The following ADGRD1 variants were observed in gnomAD, a reference collection of about 807,000 sequenced individuals.
ADGRD1 encodes the protein adhesion G protein-coupled receptor D1.
In ADGRD1, 77 loss-of-function variants were observed where a neutral mutation model predicts 113.4. The observed-to-expected ratio is 0.68, with a 90% CI of 0.57 to 0.82. The LOEUF (loss-of-function observed/expected upper bound fraction) is 0.82, where lower values mean the gene tolerates loss of function less well. Among genes scored for constraint, ADGRD1 ranks in the 40% least tolerant of loss-of-function variants. The probability of loss-of-function intolerance (pLI) is 0.00; values close to 1 mark genes in which losing one functional copy is unlikely to be tolerated. For synonymous variants in ADGRD1, 474 were observed against 475.0 expected, an observed-to-expected ratio of 1.00 and a Z score of 0.03; for missense variants, 1,036 against 1,139.1, an observed-to-expected ratio of 0.91 and a Z score of 1.30.
At chr12:130,985,993 G>T (rs35958313) in intron 5 of ADGRD1, among the ~76,000 whole-genome samples, 13,742 of 150,412 alleles carry the variant, frequency 0.091, 807 homozygotes, top group Middle Eastern at 0.15. Flanking sequence ...GTCTATCTCT[G>T]GGCTGTTTAT....
At chr12:130,958,574 C>A (rs1279213965) in intron 2 of ADGRD1, among the ~76,000 whole-genome samples, 1 of 152,144 alleles carries the variant, frequency 6.6e-6, no homozygotes, top group Non-Finnish European at 1.5e-5. Flanking sequence ...AAAGCCGCAT[C>A]CCTGGCTGTC....
intron 2 of ADGRD1, among the ~76,000 whole-genome samples, chr12:130,958,256 A>G (rs1172131003): frequency 2.2e-5 from 3 of 136,454 alleles, no homozygotes; most frequent in Non-Finnish European, 4.5e-5. Context: ...CTGGAGTGCA[A>G]TGGCGTGATC....
chr12:131,095,660 G>A (rs1336837830), intron 15 of ADGRD1, among the ~76,000 whole-genome samples: 1 of 152,212 alleles, frequency 6.6e-6, no homozygotes, highest in Non-Finnish European at 1.5e-5. Flanking sequence ...GGATCGGGTC[G>A]CTTTGCGGGG....
chr12:131,099,410 G>A (rs1950017882), intron 15 of ADGRD1, among the ~76,000 whole-genome samples: 1 of 152,218 alleles, frequency 6.6e-6, no homozygotes, highest in African/African-American at 2.4e-5. Context: ...ATGGCTGAAT[G>A]TGTGTTACAA....
At chr12:131,122,788 C>A (rs1393307218) in intron 20 of ADGRD1, among the ~76,000 whole-genome samples, 2 of 152,176 alleles carry the variant, frequency 1.3e-5, no homozygotes, top group East Asian at 3.9e-4. Flanking sequence ...CATGTCTGAC[C>A]GTGGTCAGTG....
intron 20 of ADGRD1, among the ~76,000 whole-genome samples, chr12:131,123,533 A>C (rs1289648470): frequency 1.7e-4 from 26 of 149,552 alleles, no homozygotes; most frequent in Non-Finnish European, 4.4e-5. Flanking sequence ...AAAAGATTCC[A>C]GGTTCAGGCT....
Position 131,081,631 on chromosome 12 carries a change from A to C in ADGRD1, c.1548-2909A>C, listed in dbSNP as rs549886720. Among the ~76,000 whole-genome samples, 8 of 152,342 alleles carry C rather than the reference A, an allele frequency of 5.3e-5. No homozygotes were observed. In the South Asian group the frequency reaches 1.7e-3, roughly 32 times the overall value. ...TAGTACATTTCACCTTTGTACAGAC[A>C]CCATAAACGCAATGCATTGCTAGTA... On this transcript the variant is annotated intron_variant, in intron 14 of 24. Coordinates refer to ENST00000261654, the MANE Select transcript of ADGRD1 (RefSeq NM_198827.5).
chr12:131,041,062 T>G lies in ADGRD1; in HGVS notation c.1473+26722T>G, dbSNP rs1882087307. On this transcript the variant is annotated intron_variant, in intron 13 of 24. Transcript: ENST00000261654. This position sits in a 1 kb window ranked among gnomAD's most constrained non-coding sequence, Gnocchi z 4.4. The stretch of plus-strand genomic sequence containing the variant: ...ATGGTCCCTGGGGACATCTGAGTTG[T>G]GACCTGTGGTGATGATGCCACCATT... 1.3e-5 allele frequency among the ~76,000 whole-genome samples: 2 copies of G among 152,320 alleles called. No individual in the cohort carries two copies. Among genetic ancestry groups the G allele is most frequent in the South Asian group, 4.1e-4 (2 of 4,830 alleles).
At chr12:130,986,778 T>C in intron 5 of ADGRD1, 2 of 330,392 alleles carry the variant, frequency 6.1e-6, no homozygotes, top group Non-Finnish European at 1.1e-5. Context: ...TTGGCACTTG[T>C]GCCCTGCCAT....
At chr12:131,086,079 C>G (rs1048367695) in intron 15 of ADGRD1, among the ~76,000 whole-genome samples, 2 of 152,158 alleles carry the variant, frequency 1.3e-5, no homozygotes, top group South Asian at 2.1e-4. Context: ...CTTGAACACC[C>G]GTCCCTGCCT....
chr12:131,122,291 C>A (rs895269248), intron 20 of ADGRD1, among the ~76,000 whole-genome samples: 1 of 152,102 alleles, frequency 6.6e-6, no homozygotes, highest in Non-Finnish European at 1.5e-5. Flanking sequence ...CAGAGCCTCC[C>A]TCACAGCGTC....
In ADGRD1 at chr12:131,004,634, A is replaced by T. The variant is rs146132693; in HGVS notation, c.1255+338A>T. ...GGGGAATCCGGCCCACTGGGAAGTC[A>T]TCCTACCTACATCCTCCTAAATCGG... On this transcript the variant is annotated intron_variant, in intron 11 of 24. Coordinates refer to ENST00000261654, the MANE Select transcript of ADGRD1 (RefSeq NM_198827.5). Among the ~76,000 whole-genome samples, 1,485 of 152,266 alleles carry T rather than the reference A, an allele frequency of 9.8e-3. 11 individuals carry two copies. Among genetic ancestry groups the T allele is most frequent in the Middle Eastern group, 0.048 (14 of 294 alleles).
chr12:131,118,473 G>T (rs1205538108), intron 19 of ADGRD1, 22 bp downstream of exon 19: 4 of 1,577,142 alleles, frequency 2.5e-6, no homozygotes, highest in Non-Finnish European at 3.5e-6. Flanking sequence ...GCTTTGCCTT[G>T]CTTTTGGCAG....
intron 4 of ADGRD1, chr12:130,980,854 A>G (rs1018186275): frequency 6.6e-5 from 10 of 152,340 alleles, no homozygotes; most frequent in African/African-American, 2.2e-4. Flanking sequence ...CTGCCACAAC[A>G]CATTTGAGGT....
chr12:131,030,978 C>A (rs985205992), intron 13 of ADGRD1, among the ~76,000 whole-genome samples: 1 of 152,196 alleles, frequency 6.6e-6, no homozygotes, highest in Non-Finnish European at 1.5e-5. Flanking sequence ...TCCAGAGGAG[C>A]ACTCGCCCAC....
At position 131,104,860 on chromosome 12, in the gene ADGRD1, G is replaced by C; in HGVS notation, c.1701G>C (p.Ser567=). The change falls in exon 16 of 25, where the codon TCG becomes TCC. Residue 567 remains serine (S), a synonymous_variant. Coordinates refer to ENST00000261654, the MANE Select transcript of ADGRD1 (RefSeq NM_198827.5). ...CACGCGGACACCAGGTGGCGCTGTCGTCTATCAGCTATGTGGGCTGCTCCC... is the reference window on the plus strand; with the variant it reads ...CACGCGGACACCAGGTGGCGCTGTCCTCTATCAGCTATGTGGGCTGCTCCC... ...ELARGHQVAL[S]SISYVGCSLS... is the part of the protein sequence containing the mutation. 6.5e-7 allele frequency: 1 copy of C among 1,550,162 alleles called. No individual in the cohort carries two copies. Among genetic ancestry groups the C allele is most frequent in the Admixed American group, 2.0e-5 (1 of 51,044 alleles).
intron 8 of ADGRD1, among the ~76,000 whole-genome samples, chr12:130,997,867 G>C (rs1332233146): frequency 7.9e-5 from 12 of 152,216 alleles, no homozygotes; most frequent in African/African-American, 2.9e-4. Context: ...GGGAGGTGGA[G>C]GTTGTAGCTA....
At chr12:131,002,731 C>T in intron 9 of ADGRD1, 1 of 1,253,694 alleles carries the variant, frequency 8.0e-7, no homozygotes. Context: ...TGGGTGCCGG[C>T]ACCTCGGAAG....
intron 12 of ADGRD1, among the ~76,000 whole-genome samples, chr12:131,009,795 CGT>C (rs142172934): frequency 1.1e-4 from 16 of 151,974 alleles, no homozygotes; most frequent in African/African-American, 2.7e-4. Flanking sequence ...CATACATGTG[CGT>C]GTGTGTGTGT....
Sources: gnomAD v4.1 joint callset for allele counts (sites outside exome capture counted in the v4.1 genomes callset) on GRCh38, gnomAD v4.1.1 for gene constraint, Gnocchi (gnomAD v3.1) non-coding constraint, MANE v1.5 for transcripts, NCBI Gene and HGNC (gene_info 2026-07-23, HGNC 2026-07-21) for gene names.